The following PRICKLE1 variants were observed in gnomAD, a reference collection of about 807,000 sequenced individuals.
The protein encoded by PRICKLE1 is prickle-like protein 1.
In PRICKLE1, 14 loss-of-function variants were observed where a neutral mutation model predicts 70.2. That is an observed-to-expected ratio of 0.20 (90% CI 0.13 to 0.31). The LOEUF (loss-of-function observed/expected upper bound fraction) is 0.31, where lower values mean the gene tolerates loss of function less well. Ranked by LOEUF, PRICKLE1 falls within the 10% of genes least tolerant of loss-of-function variation. The pLI, the probability that PRICKLE1 is intolerant of heterozygous loss-of-function variation, is 1.00. For missense variants in PRICKLE1, 821 were observed against 1,026.2 expected (o/e 0.80, Z 2.73); for synonymous variants, 357 against 379.9 (o/e 0.94, Z 0.70).
At chr12:42,576,418 A>G (rs1239176633) in intron 1 of PRICKLE1, among the ~76,000 whole-genome samples, 1 of 152,208 alleles carries the variant, frequency 6.6e-6, no homozygotes, top group East Asian at 1.9e-4. Flanking sequence ...TAGCCTCCAG[A>G]CCAAGGGGCA....
intron 1 of PRICKLE1, among the ~76,000 whole-genome samples, chr12:42,504,223 G>A (rs758710477): frequency 6.6e-6 from 1 of 152,154 alleles, no homozygotes; most frequent in Non-Finnish European, 1.5e-5. Context: ...GCCAGAAAAG[G>A]CTCAGAGGCA....
chr12:42,585,388 C>A (rs2120814396), intron 1 of PRICKLE1, among the ~76,000 whole-genome samples: 1 of 152,164 alleles, frequency 6.6e-6, no homozygotes, highest in Non-Finnish European at 1.5e-5. Context: ...CAAAAATAAC[C>A]AAAATGCATT....
chr12:42,498,584 A>G (rs955781915), intron 1 of PRICKLE1, among the ~76,000 whole-genome samples: 1 of 152,204 alleles, frequency 6.6e-6, no homozygotes, highest in Non-Finnish European at 1.5e-5. Flanking sequence ...GGAGATCGAG[A>G]CCAACCTGGA....
intron 1 of PRICKLE1, among the ~76,000 whole-genome samples, chr12:42,523,210 G>A (rs886757992): frequency 7.9e-5 from 12 of 152,172 alleles, no homozygotes; most frequent in African/African-American, 1.9e-4. Flanking sequence ...CTCATGATCC[G>A]CCCGCCTTGG....
At chr12:42,525,704 G>C (rs186414901) in intron 1 of PRICKLE1, among the ~76,000 whole-genome samples, 119 of 150,704 alleles carry the variant, frequency 7.9e-4, no homozygotes, top group Admixed American at 2.9e-3. Flanking sequence ...AATAGCAAAA[G>C]CAGCTTTGTT....
intron 1 of PRICKLE1, among the ~76,000 whole-genome samples, chr12:42,486,270 ATTTG>A (rs947689435): frequency 6.6e-6 from 1 of 152,172 alleles, no homozygotes; most frequent in African/African-American, 2.4e-5. Context: ...TTACATGTCT[ATTTG>A]TTTATCGTTC....
chr12:42,484,104 C>T (rs1938920174), intron 1 of PRICKLE1: 2 of 151,518 alleles, frequency 1.3e-5, no homozygotes, highest in Admixed American at 1.3e-4. Context: ...GACCCAGCTC[C>T]CCGCTCCCGC....
intron 1 of PRICKLE1, chr12:42,584,282 A>T (rs1055495082): frequency 2.0e-5 from 3 of 152,230 alleles, no homozygotes. Context: ...AATGATGTCC[A>T]ATAACCTAAA....
At chr12:42,500,204 C>T (rs1939280851) in intron 1 of PRICKLE1, among the ~76,000 whole-genome samples, 1 of 152,174 alleles carries the variant, frequency 6.6e-6, no homozygotes, top group African/African-American at 2.4e-5. Flanking sequence ...ATAGGGGACC[C>T]TCCAACACAC....
At chr12:42,560,140 A>ATTC (rs1321943735) in intron 1 of PRICKLE1, among the ~76,000 whole-genome samples, 1 of 112,216 alleles carries the variant, frequency 8.9e-6, no homozygotes, top group African/African-American at 5.0e-5. Flanking sequence ...TATTATTATT[A>ATTC]TTATTATTAT....
intron 1 of PRICKLE1, among the ~76,000 whole-genome samples, chr12:42,477,420 G>A (rs1938592068): frequency 1.9e-5 from 2 of 107,626 alleles, no homozygotes; most frequent in Admixed American, 1.1e-4. Flanking sequence ...TTATATATAT[G>A]TATATACATA....
In PRICKLE1 at chr12:42,472,521, T is replaced by C. The variant is rs1447734936; in HGVS notation, c.-5A>G. On this transcript the variant is annotated 5_prime_UTR_variant, in exon 2 of 8. Coordinates refer to ENST00000345127, the MANE Select transcript of PRICKLE1 (RefSeq NM_153026.3). The stretch of plus-strand genomic sequence containing the variant: ...GGGCTCCATCTCCAAAGGCATAAAG[T>C]TTAAAGCCTGGTTTCTCAGTCACAG... The C allele has an allele frequency of 6.2e-7, 1 of 1,614,006 alleles. No individual in the cohort carries two copies. Among genetic ancestry groups the C allele is most frequent in the Non-Finnish European group, 8.5e-7 (1 of 1,180,016 alleles).
chr12:42,472,432 C>A lies in PRICKLE1; in HGVS notation c.85G>T (p.Ala29Ser). 6.2e-7 allele frequency: 1 copy of A among 1,614,158 alleles called. No homozygotes were observed. Among genetic ancestry groups the A allele is most frequent in the East Asian group, 2.2e-5 (1 of 44,878 alleles). The change falls in exon 2 of 8, where the codon GCA becomes TCA. Residue 29 changes from alanine (A) to serine (S), a missense_variant. Ala to Ser is a moderately conservative substitution (Grantham distance 99). Coordinates refer to ENST00000345127, the MANE Select transcript of PRICKLE1 (RefSeq NM_153026.3). ...SSTSDDDSGC[A>S]LEEYAWVPPG... Reference sequence around the variant, plus strand: ...GGGACCCAGGCGTACTCCTCCAATGCACAGCCAGAGTCATCATCTGATGTG... The same window carrying A: ...GGGACCCAGGCGTACTCCTCCAATGAACAGCCAGAGTCATCATCTGATGTG...
chr12:42,470,512 T>G (rs1471743608), intron 2 of PRICKLE1, among the ~76,000 whole-genome samples, 153 bp from the exon 3 acceptor site: 1 of 152,206 alleles, frequency 6.6e-6, no homozygotes, highest in Non-Finnish European at 1.5e-5. Context: ...ACTGCAAACC[T>G]TCAGATAACT....
At chr12:42,508,487 T>G (rs1939456895) in intron 1 of PRICKLE1, among the ~76,000 whole-genome samples, 1 of 152,202 alleles carries the variant, frequency 6.6e-6, no homozygotes, top group African/African-American at 2.4e-5. Flanking sequence ...TGGTCTGGGC[T>G]CAACTGTTTT....
chr12:42,519,608 G>A (rs2120462926), intron 1 of PRICKLE1, among the ~76,000 whole-genome samples: 1 of 152,286 alleles, frequency 6.6e-6, no homozygotes, highest in East Asian at 1.9e-4. Context: ...CTTGGAGACT[G>A]AATATTAATA....
intron 1 of PRICKLE1, among the ~76,000 whole-genome samples, chr12:42,532,892 CT>C: frequency 2.0e-5 from 1 of 49,526 alleles, no homozygotes; most frequent in African/African-American, 5.6e-5. Context: ...GAGACTCCGT[CT>C]CAAAAAAAAA....
intron 2 of PRICKLE1, among the ~76,000 whole-genome samples, chr12:42,471,734 C>G (rs1938330194): frequency 6.6e-6 from 1 of 152,086 alleles, no homozygotes. Context: ...AATAATATCG[C>G]CAGTGATTTT....
intron 1 of PRICKLE1, among the ~76,000 whole-genome samples, chr12:42,536,130 A>G (rs1940013755): frequency 6.6e-6 from 1 of 152,224 alleles, no homozygotes; most frequent in Admixed American, 6.5e-5. Context: ...GCAAAAGCCA[A>G]AAGATAAAGA....
Sources: allele counts gnomAD v4.1 joint callset (sites outside exome capture counted in the v4.1 genomes callset), GRCh38; gene constraint gnomAD v4.1.1; transcripts MANE v1.5; gene names NCBI Gene and HGNC (gene_info 2026-07-23, HGNC 2026-07-21).